The following HSD17B2 variants were observed in gnomAD, a reference collection of about 807,000 sequenced individuals.
HSD17B2 encodes hydroxysteroid 17-beta dehydrogenase 2.
HSD17B2 carries 32 observed loss-of-function variants against 26.9 expected under a neutral mutation model. The observed-to-expected ratio is 1.19, with a 90% CI of 0.90 to 1.60. HSD17B2 has a LOEUF of 1.60. HSD17B2 is among the 40% of genes most tolerant of loss of function. The probability of loss-of-function intolerance (pLI) is 0.00; values close to 1 mark genes in which losing one functional copy is unlikely to be tolerated. For missense variants in HSD17B2, 613 were observed against 468.6 expected (o/e 1.31, Z -2.85); for synonymous variants, 246 against 186.7 (o/e 1.32, Z -2.59).
At chr16:82,070,707 C>T (rs1914678257) in intron 2 of HSD17B2, 1 of 529,688 alleles carries the variant, frequency 1.9e-6, no homozygotes, top group Non-Finnish European at 3.3e-6. Flanking sequence ...TGAAGAGTTT[C>T]TGGAACAGAA....
intron 1 of HSD17B2, among the ~76,000 whole-genome samples, chr16:82,055,745 G>A (rs1024832588): frequency 6.6e-6 from 1 of 152,178 alleles, no homozygotes; most frequent in African/African-American, 2.4e-5. Flanking sequence ...TGGTAAGAAT[G>A]GAGCAGAAAT....
At chr16:82,053,098 T>G (rs1363005502) in intron 1 of HSD17B2, among the ~76,000 whole-genome samples, 1 of 152,224 alleles carries the variant, frequency 6.6e-6, no homozygotes. Context: ...GGGATTAAGT[T>G]TACTACACAT....
At chr16:82,035,794 G>A in intron 1 of HSD17B2, 105 bp downstream of exon 1, 2 of 1,233,938 alleles carry the variant, frequency 1.6e-6, no homozygotes, top group Admixed American at 2.1e-5. Context: ...ACTTGGCATG[G>A]AGTAAATGAA....
intron 3 of HSD17B2, among the ~76,000 whole-genome samples, chr16:82,076,112 A>G (rs1904299648): frequency 6.6e-6 from 1 of 152,220 alleles, no homozygotes; most frequent in South Asian, 2.1e-4. Flanking sequence ...TAATCTCAAC[A>G]GAATGAAGGA....
chr16:82,038,119 G>T (rs569090531), intron 1 of HSD17B2, among the ~76,000 whole-genome samples: 67 of 152,254 alleles, frequency 4.4e-4, no homozygotes, highest in African/African-American at 1.6e-3. Flanking sequence ...ACCCAGGTGA[G>T]AGGCAATTAC....
At chr16:82,049,953 G>A (rs1235846822) in intron 1 of HSD17B2, among the ~76,000 whole-genome samples, 1 of 152,142 alleles carries the variant, frequency 6.6e-6, no homozygotes, top group African/African-American at 2.4e-5. Flanking sequence ...AATCACCTTG[G>A]GGCTTTTAAA....
chr16:82,094,536 G>T (rs935698193), intron 4 of HSD17B2: 1 of 152,112 alleles, frequency 6.6e-6, no homozygotes, highest in South Asian at 2.1e-4. Flanking sequence ...CAGTGCCTGG[G>T]TTCTTCCTTT....
intron 3 of HSD17B2, among the ~76,000 whole-genome samples, chr16:82,089,155 C>G (rs757750958): frequency 1.2e-4 from 19 of 152,176 alleles, no homozygotes; most frequent in South Asian, 4.1e-4. Context: ...CAGGTAACCA[C>G]TGATCTGTTT....
intron 3 of HSD17B2, among the ~76,000 whole-genome samples, chr16:82,080,769 G>A (rs1024572824): frequency 6.6e-6 from 1 of 151,982 alleles, no homozygotes; most frequent in African/African-American, 2.4e-5. Context: ...ATGTAATTCA[G>A]GTCTCCATGA....
At chr16:82,076,016 A>G (rs563927528) in intron 3 of HSD17B2, among the ~76,000 whole-genome samples, 1 of 152,170 alleles carries the variant, frequency 6.6e-6, no homozygotes, top group African/African-American at 2.4e-5. Context: ...AGCGCATTAA[A>G]AAGATCATTT....
At chr16:82,076,635 C>T (rs182279997) in intron 3 of HSD17B2, among the ~76,000 whole-genome samples, 122 of 152,312 alleles carry the variant, frequency 8.0e-4, no homozygotes, top group Admixed American at 6.2e-3. Context: ...AGTGCAGTGG[C>T]GTGATCTCGG....
chr16:82,043,648 C>T (rs1284819745), intron 1 of HSD17B2, among the ~76,000 whole-genome samples: 1 of 105,436 alleles, frequency 9.5e-6, no homozygotes, highest in Non-Finnish European at 1.6e-5. Flanking sequence ...CGCGCCACTG[C>T]ACTGTCTGCC....
chr16:82,098,265 G>A lies in HSD17B2; in HGVS notation c.993G>A (p.Ala331=), dbSNP rs534097987. Residue 331 remains alanine (A), a synonymous_variant, in exon 5 of 5, where the codon GCG becomes GCA. Transcript: ENST00000199936. ...VLRDIQHAIL[A]KSPFAYYTPG... ...GGGACATCCAGCATGCTATCTTGGC[G>A]AAGAGCCCTTTTGCCTATTACACGC... 3.1e-6 allele frequency: 5 copies of A among 1,614,176 alleles called. No homozygotes were observed. The highest frequency in any genetic ancestry group is 1.7e-5 in the Admixed American group (1 of 60,022).
chr16:82,080,881 A>G (rs1356683147), intron 3 of HSD17B2, among the ~76,000 whole-genome samples: 3 of 152,176 alleles, frequency 2.0e-5, no homozygotes, highest in South Asian at 2.1e-4. Context: ...TAGAGATTCC[A>G]TATATCACAA....
At chr16:82,063,606 G>C (rs1428189706) in intron 1 of HSD17B2, among the ~76,000 whole-genome samples, 2 of 152,212 alleles carry the variant, frequency 1.3e-5, no homozygotes, top group African/African-American at 4.8e-5. Context: ...TATTGCAGTA[G>C]AGGGAATGTT....
intron 1 of HSD17B2, among the ~76,000 whole-genome samples, chr16:82,063,903 C>T (rs1245869302): frequency 6.6e-6 from 1 of 152,112 alleles, no homozygotes; most frequent in Admixed American, 6.6e-5. Flanking sequence ...GTTAAACTAA[C>T]CACAAAAACA....
chr16:82,090,079 C>T (rs1328875282), intron 3 of HSD17B2: 1 of 217,214 alleles, frequency 4.6e-6, no homozygotes, highest in Admixed American at 6.5e-5. Flanking sequence ...TTTCTCACAT[C>T]CTCTTAAAGA....
chr16:82,097,113 C>T (rs1030076280), intron 4 of HSD17B2: 1 of 151,644 alleles, frequency 6.6e-6, no homozygotes, highest in African/African-American at 2.4e-5. Flanking sequence ...ACTGCATCCT[C>T]CAACTCGTGG....
intron 3 of HSD17B2, among the ~76,000 whole-genome samples, chr16:82,083,238 T>A (rs563812623): frequency 6.6e-6 from 1 of 152,294 alleles, no homozygotes; most frequent in African/African-American, 2.4e-5. Context: ...AGAAATGCAA[T>A]CTAGAGTCAA....
Sources: allele counts gnomAD v4.1 joint callset (sites outside exome capture counted in the v4.1 genomes callset), GRCh38; gene constraint gnomAD v4.1.1; transcripts MANE v1.5; gene names NCBI Gene and HGNC (gene_info 2026-07-23, HGNC 2026-07-21).